The following CFLAR variants were observed in gnomAD, a reference collection of about 807,000 sequenced individuals.
CFLAR encodes CASP8 and FADD-like apoptosis regulator.
A neutral mutation model predicts 51.1 loss-of-function variants in CFLAR; 14 were observed. The ratio of observed to expected loss-of-function variants is 0.27; its 90% CI spans 0.18 to 0.43. The LOEUF (loss-of-function observed/expected upper bound fraction) is 0.43. CFLAR is among the 20% of genes least tolerant of loss of function. CFLAR has a pLI of 1.00. For synonymous variants in CFLAR, 210 were observed against 211.6 expected (o/e 0.99, Z 0.06); for missense variants, 390 against 566.5 (o/e 0.69, Z 3.16).
Position 201,118,644 on chromosome 2 carries a change from G to C in CFLAR, c.-138+2163G>C, listed in dbSNP as rs545523237. The C allele has an allele frequency of 3.9e-5, 6 of 152,362 alleles. No individual in the cohort carries two copies. The East Asian group carries it at 1.2e-3, about 29-fold the overall frequency. 9.4% of individuals were successfully genotyped at this position (152,362 alleles called of 1,614,324 possible). ...GGGGAATTCCGCAGACAGGATTCTA[G>C]AATTTATGTCTTGTGTGGTAACATT... is the stretch of plus-strand genomic sequence containing the variant. On this transcript the variant is annotated intron_variant, in intron 1 of 9. Transcript: ENST00000309955. The surrounding 1 kb of genome is among the most constrained non-coding windows in gnomAD (Gnocchi z 5.1).
In CFLAR at chr2:201,129,907, T is replaced by C. The variant is rs907380219; in HGVS notation, c.42T>C (p.Asp14=). The change falls in exon 2 of 10, where the codon GAT becomes GAC. Residue 14 remains aspartate (D), a synonymous_variant. Coordinates refer to ENST00000309955, the MANE Select transcript of CFLAR (RefSeq NM_003879.7). ...EVIHQVEEAL[D]TDEKEMLLFL... Reference sequence around the variant, plus strand: ...TCCATCAGGTTGAAGAAGCACTTGATACAGATGAGAAGGAGATGCTGCTCT... The same window carrying C: ...TCCATCAGGTTGAAGAAGCACTTGACACAGATGAGAAGGAGATGCTGCTCT... The C allele has an allele frequency of 1.2e-6, 2 of 1,614,180 alleles. No homozygotes were observed. Among genetic ancestry groups the C allele is most frequent in the Non-Finnish European group, 1.7e-6 (2 of 1,180,036 alleles).
chr2:201,133,098 G>C lies in CFLAR; in HGVS notation c.351G>C (p.Lys117Asn), dbSNP rs1389367719. ...TGTCCTCATTAATTTTCCTCATGAA[G>C]GATTACATGGGCCGAGGCAAGATAA... is the stretch of plus-strand genomic sequence containing the variant. ...SDVSSLIFLM[K>N]DYMGRGKISK... is the part of the protein sequence containing the mutation. The change falls in exon 3 of 10, where the codon AAG (lysine) becomes AAC (asparagine). Residue 117 changes from lysine to asparagine, a missense_variant. Lys to Asn is a moderately conservative substitution (Grantham distance 94, BLOSUM62 0). Transcript: ENST00000309955. 2 of 1,613,210 alleles carry C rather than the reference G, an allele frequency of 1.2e-6. No homozygotes were observed. The highest frequency in any genetic ancestry group is 2.7e-5 in the African/African-American group (2 of 74,906).
At chr2:201,163,114 T>A (rs772961623) in intron 9 of CFLAR, 1 of 747,952 alleles carries the variant, frequency 1.3e-6, no homozygotes, top group Admixed American at 2.0e-5. Context: ...AGAGTAGCTG[T>A]GTCCCTGAAT....
chr2:201,140,601 C>G lies in CFLAR; in HGVS notation c.606+162C>G, dbSNP rs1938467422. 5.5e-5 allele frequency: 31 copies of G among 560,254 alleles called. 1 individual carries two copies. The South Asian group carries it at 7.8e-4, about 14-fold the overall frequency. The allele number at this position is 560,254 out of a possible 1,614,324, so 34.7% of individuals were successfully genotyped here. On this transcript the variant is annotated intron_variant, in intron 5 of 9. Transcript: ENST00000309955. Reference sequence around the variant, plus strand: ...ACGTGTAACTTCTTATATTTCAAAGCTAATACATGTTCATTGAGATATTTG... The same window carrying G: ...ACGTGTAACTTCTTATATTTCAAAGGTAATACATGTTCATTGAGATATTTG...
chr2:201,135,430 C>G (rs1444829235), intron 3 of CFLAR, among the ~76,000 whole-genome samples: 1 of 152,152 alleles, frequency 6.6e-6, no homozygotes, highest in Non-Finnish European at 1.5e-5. Flanking sequence ...ACACGTGTCT[C>G]TCTGCAACCA....
chr2:201,117,578 A>T (rs1452197300), intron 1 of CFLAR, among the ~76,000 whole-genome samples: 1 of 152,152 alleles, frequency 6.6e-6, no homozygotes, highest in Non-Finnish European at 1.5e-5. Context: ...TTTGGACATC[A>T]ACAAACTGCG....
chr2:201,160,645 T>C lies in CFLAR; in HGVS notation c.1007T>C (p.Ile336Thr). Reference sequence around the variant, plus strand: ...CACTCAGGGCTCCCCCTGCATCACATCAGGAGGATGTTCATGGGAGATTCA... The same window carrying C: ...CACTCAGGGCTCCCCCTGCATCACACCAGGAGGATGTTCATGGGAGATTCA... The part of the protein sequence containing the change: ...QTHSGLPLHH[I>T]RRMFMGDSCP... Residue 336 changes from isoleucine (I) to threonine (T), a missense_variant, in exon 9 of 10, where the codon ATC becomes ACC. Around this residue, in one of 2 missense-constraint regions of CFLAR, gnomAD observed 287 missense variants for 363.6 expected, o/e 0.79. Transcript: ENST00000309955. 6.2e-7 allele frequency: 1 copy of C among 1,613,978 alleles called. No individual in the cohort carries two copies.
Position 201,173,395 on chromosome 2 carries a change from G to C in CFLAR, c.*9422G>C, listed in dbSNP as rs1944111461. On this transcript the variant is annotated 3_prime_UTR_variant, in exon 10 of 10. Transcript: ENST00000309955. ...GCTAATTTTTTGTATTTTTAGTAGA[G>C]ACAGGGTTTCACCGTGTTAGCCAGG... 6.6e-6 allele frequency: 1 copy of C among 152,412 alleles called. No homozygotes were observed. The highest frequency in any genetic ancestry group is 1.5e-5 in the Non-Finnish European group (1 of 68,200). The allele number at this position is 152,412 out of a possible 1,614,324, so 9.4% of individuals were successfully genotyped here.
At chr2:201,148,883 A>G (rs1029911318) in intron 6 of CFLAR, 120 bp from the exon 7 acceptor site, 5 of 695,996 alleles carry the variant, frequency 7.2e-6, no homozygotes, top group Non-Finnish European at 1.3e-5. Context: ...TGGGGAAAGA[A>G]GAGATAATTG....
At chr2:201,145,755 T>C in intron 6 of CFLAR, 1 of 217,426 alleles carries the variant, frequency 4.6e-6, no homozygotes, top group Non-Finnish European at 9.1e-6. Flanking sequence ...TAATGAACCA[T>C]GTTAAACCAA....
In CFLAR at chr2:201,159,048, T is replaced by C. The variant is rs528226392; in HGVS notation, c.794-1384T>C. Among the ~76,000 whole-genome samples, 10 of 151,640 alleles carry C rather than the reference T, an allele frequency of 6.6e-5. No homozygotes were observed. In the East Asian group the frequency reaches 2.0e-3, roughly 30 times the overall value. ...GAGCACCACCACGCCTGGCTAATTT[T>C]TGTATTTTTAGTAGAGACGGGGTTT... is the stretch of plus-strand genomic sequence containing the variant. On this transcript the variant is annotated intron_variant, in intron 8 of 9. Transcript: ENST00000309955.
intron 8 of CFLAR, among the ~76,000 whole-genome samples, chr2:201,157,496 C>T (rs977966858): frequency 1.3e-5 from 2 of 152,034 alleles, no homozygotes; most frequent in Non-Finnish European, 2.9e-5. Context: ...GCCTCAGCCT[C>T]CTGAGTAGCT....
rs1295205797 is a variant in CFLAR at position 201,141,507 on chromosome 2, G to T, written c.606+1068G>T. On this transcript the variant is annotated intron_variant, in intron 5 of 9. Transcript: ENST00000309955. ...TCATTTTCTAAATGTGTTATAATGT[G>T]TTTAGCCCTTTCTTGTTGCTGTATG... 3 of 1,472,174 alleles carry T rather than the reference G, an allele frequency of 2.0e-6. No individual in the cohort carries two copies. The African/African-American group carries it at 4.3e-5, about 21-fold the overall frequency. 91.2% of individuals were successfully genotyped at this position (1,472,174 alleles called of 1,614,324 possible). A position where few individuals can be genotyped will look rare whatever the true frequency, so the allele number is the denominator to read the frequency against.
Position 201,138,486 on chromosome 2 carries a change from A to G in CFLAR, c.524-1871A>G. On this transcript the variant is annotated intron_variant, in intron 4 of 9. Transcript: ENST00000309955. The surrounding 1 kb of genome is among the most constrained non-coding windows in gnomAD (Gnocchi z 4.0). ...TCTCATTTGCCTCTTTCAACCTCACACTGCTGGAGCCACCACTAGCTTGAT... is the reference window on the plus strand; with the variant it reads ...TCTCATTTGCCTCTTTCAACCTCACGCTGCTGGAGCCACCACTAGCTTGAT... 2.6e-6 allele frequency: 3 copies of G among 1,148,582 alleles called. No individual in the cohort carries two copies. The highest frequency in any genetic ancestry group is 3.9e-6 in the Non-Finnish European group (3 of 766,022). 71.1% of individuals were successfully genotyped at this position (1,148,582 alleles called of 1,614,324 possible). A position where few individuals can be genotyped will look rare whatever the true frequency, so the allele number is the denominator to read the frequency against.
rs1016799552 is a variant in CFLAR, at chr2:201,138,424, G to C, written c.524-1933G>C. On this transcript the variant is annotated intron_variant, in intron 4 of 9. Coordinates refer to ENST00000309955, the MANE Select transcript of CFLAR (RefSeq NM_003879.7). The surrounding 1 kb of genome is among the most constrained non-coding windows in gnomAD (Gnocchi z 4.0). ...TGGCCACCAGCTCATCGCGATCATT[G>C]ACGATAGGCAGCTTCCTTTCTTACT... The C allele has an allele frequency of 5.0e-5, 40 of 803,846 alleles. No individual in the cohort carries two copies. Among genetic ancestry groups the C allele is most frequent in the Admixed American group, 6.8e-5 (4 of 58,972 alleles). The allele number at this position is 803,846 out of a possible 1,614,324, so 49.8% of individuals were successfully genotyped here.
intron 3 of CFLAR, among the ~76,000 whole-genome samples, chr2:201,133,632 A>G (rs1179937716): frequency 6.6e-6 from 1 of 152,094 alleles, no homozygotes; most frequent in Non-Finnish European, 1.5e-5. Flanking sequence ...GTAGAGATTT[A>G]GAGTTGAAAA....
intron 1 of CFLAR, among the ~76,000 whole-genome samples, chr2:201,127,140 TGGG>T (rs1397610196): frequency 6.6e-6 from 1 of 151,976 alleles, no homozygotes; most frequent in African/African-American, 2.4e-5. Context: ...TGAAAACACT[TGGG>T]GGGAGAAATG....
intron 1 of CFLAR, among the ~76,000 whole-genome samples, chr2:201,122,261 A>G (rs775355770): frequency 1.2e-4 from 19 of 152,192 alleles, no homozygotes; most frequent in African/African-American, 4.1e-4. Flanking sequence ...AAAATTTTGC[A>G]TGGGGGCTTA....
At chr2:201,145,151 C>T (rs781346548) in intron 5 of CFLAR, among the ~76,000 whole-genome samples, 1 of 152,166 alleles carries the variant, frequency 6.6e-6, no homozygotes. Flanking sequence ...TCGCTCCCGG[C>T]CTATTTTCAT....
Sources: allele counts gnomAD v4.1 joint callset (sites outside exome capture counted in the v4.1 genomes callset), GRCh38; gene constraint gnomAD v4.1.1; regional missense constraint gnomAD v4.1.1; non-coding constraint Gnocchi (gnomAD v3.1); transcripts MANE v1.5; gene names NCBI Gene and HGNC (gene_info 2026-07-23, HGNC 2026-07-21).